Variants in LPP observed in about 807,000 individuals in gnomAD.
The protein encoded by LPP is lipoma-preferred partner.
A neutral mutation model predicts 60.4 loss-of-function variants in LPP; 38 were observed. That is an observed-to-expected ratio of 0.63 (90% CI 0.49 to 0.83). LPP has a LOEUF of 0.83. Among genes scored for constraint, LPP ranks in the 40% least tolerant of loss-of-function variants. LPP has a pLI of 0.00. For synonymous variants in LPP, 328 were observed against 290.8 expected (o/e 1.13, Z -1.30); for missense variants, 902 against 783.6 (o/e 1.15, Z -1.80).
chr3:188,334,819 T>TC lies in LPP; in HGVS notation c.-66-6841dup, dbSNP rs558506682. ...ACATTCCCACCAACAGTGTATGAAT[T>TC]CCCTTTTCTTTGCATCTTTGCCAGC... On this transcript the variant is annotated intron_variant, in intron 2 of 11. Coordinates refer to ENST00000617246, the MANE Select transcript of LPP (RefSeq NM_001375462.1). Among the ~76,000 whole-genome samples, 21 of 152,330 alleles carry TC rather than the reference T, an allele frequency of 1.4e-4. No individual in the cohort carries two copies. The South Asian group carries it at 4.4e-3, about 32-fold the overall frequency.
chr3:188,231,255 G>A (rs1719845992), intron 2 of LPP, among the ~76,000 whole-genome samples: 1 of 152,130 alleles, frequency 6.6e-6, no homozygotes, highest in Admixed American at 6.5e-5. Flanking sequence ...GGAGTTACAC[G>A]GAACCATCTT....
chr3:188,243,667 A>T (rs1286550210), intron 2 of LPP, among the ~76,000 whole-genome samples: 3 of 152,108 alleles, frequency 2.0e-5, no homozygotes, highest in South Asian at 4.1e-4. Flanking sequence ...GCCATAGACC[A>T]CCACACTGGC....
At chr3:188,698,325 G>A (rs1438164740) in intron 7 of LPP, among the ~76,000 whole-genome samples, 2 of 151,996 alleles carry the variant, frequency 1.3e-5, no homozygotes, top group African/African-American at 4.8e-5. Flanking sequence ...GCCATCCAAT[G>A]GAAATAATGT....
chr3:188,763,982 C>A (rs546430055), intron 9 of LPP, among the ~76,000 whole-genome samples: 2 of 152,014 alleles, frequency 1.3e-5, no homozygotes, highest in South Asian at 4.2e-4. Context: ...GCAAACTATC[C>A]CCTATGGCAG....
intron 5 of LPP, among the ~76,000 whole-genome samples, chr3:188,523,589 C>T (rs529662048): frequency 3.7e-4 from 56 of 152,284 alleles, no homozygotes; most frequent in African/African-American, 1.3e-3. Flanking sequence ...TGTCATGGCA[C>T]GCTACTTGTT....
chr3:188,160,771 A>T (rs958919926), intron 1 of LPP, among the ~76,000 whole-genome samples: 3 of 152,234 alleles, frequency 2.0e-5, no homozygotes, highest in African/African-American at 7.2e-5. Flanking sequence ...GAAAACTGAG[A>T]TAGGCTCTGC....
chr3:188,570,118 C>T (rs1225388930), intron 6 of LPP, among the ~76,000 whole-genome samples: 1 of 151,472 alleles, frequency 6.6e-6, no homozygotes, highest in Admixed American at 6.6e-5. Flanking sequence ...CTTCTGCATG[C>T]AATTAGTGTA....
At chr3:188,439,449 G>C (rs895666920) in intron 4 of LPP, among the ~76,000 whole-genome samples, 1 of 152,140 alleles carries the variant, frequency 6.6e-6, no homozygotes, top group East Asian at 1.9e-4. Flanking sequence ...TTCATGTTTT[G>C]CTCCTTGGTA....
chr3:188,694,883 T>G lies in LPP; in HGVS notation c.1114-13384T>G, dbSNP rs553140414. 3.3e-5 allele frequency among the ~76,000 whole-genome samples: 5 copies of G among 152,342 alleles called. No individual in the cohort carries two copies. The South Asian group carries it at 1.0e-3, about 32-fold the overall frequency. On this transcript the variant is annotated intron_variant, in intron 7 of 11. Coordinates refer to ENST00000617246, the MANE Select transcript of LPP (RefSeq NM_001375462.1). ...AAAGGTTCTTTTGATAGTTCAAGAC[T>G]TTGTAATGTATGTGAAATTCCACTA...
rs1275282629 is a variant in LPP, at chr3:188,879,762, A to G, written c.*5283A>G. The G allele has an allele frequency of 1.1e-5, 2 of 181,722 alleles. No homozygotes were observed. The highest frequency in any genetic ancestry group is 2.3e-5 in the Non-Finnish European group (2 of 85,144). The allele number at this position is 181,722 out of a possible 1,614,324, so 11.3% of individuals were successfully genotyped here. On this transcript the variant is annotated 3_prime_UTR_variant, in exon 12 of 12. Transcript: ENST00000617246. Reference sequence around the variant, plus strand: ...TAACTATTGTATTTTCAGAATTTTAACACAGATTAACACTTAGCCTGTAAG... The same window carrying G: ...TAACTATTGTATTTTCAGAATTTTAGCACAGATTAACACTTAGCCTGTAAG...
At chr3:188,745,636 C>G (rs1725898482) in intron 8 of LPP, among the ~76,000 whole-genome samples, 2 of 152,176 alleles carry the variant, frequency 1.3e-5, no homozygotes, top group African/African-American at 4.8e-5. Context: ...ATACATCTTT[C>G]AAACTTTAAG....
rs1332381122 is a variant in LPP at position 188,524,795 on chromosome 3, C to T, written c.429+8C>T. The T allele has an allele frequency of 6.2e-7, 1 of 1,612,188 alleles. No individual in the cohort carries two copies. The highest frequency in any genetic ancestry group is 1.1e-5 in the South Asian group (1 of 90,864). On this transcript the variant is annotated splice_region_variant and intron_variant, in intron 6 of 11. Transcript: ENST00000617246. ...AAGCCTCGGCCTCCACAGGTTAGTG[C>T]AGCCCACAATCATCTCCACACAGCC...
intron 2 of LPP, among the ~76,000 whole-genome samples, chr3:188,286,472 T>A (rs947024806): frequency 5.3e-5 from 8 of 152,340 alleles, no homozygotes; most frequent in African/African-American, 1.9e-4. Context: ...TCTCGGATCC[T>A]CTATTTCCTA....
At chr3:188,480,116 T>G (rs939318481) in intron 4 of LPP, among the ~76,000 whole-genome samples, 3 of 152,164 alleles carry the variant, frequency 2.0e-5, no homozygotes, top group African/African-American at 7.2e-5. Flanking sequence ...TTTTTACCCC[T>G]AGATTAAAAG....
At chr3:188,304,501 T>C (rs968014395) in intron 2 of LPP, among the ~76,000 whole-genome samples, 24 of 152,186 alleles carry the variant, frequency 1.6e-4, no homozygotes, top group African/African-American at 5.5e-4. Flanking sequence ...ATTTACATAC[T>C]TTCTCTCCCC....
rs375607317 is a variant in LPP, at chr3:188,267,863, C to G, written c.-67+42336C>G. Among the ~76,000 whole-genome samples, 161 of 152,206 alleles carry G rather than the reference C, an allele frequency of 1.1e-3. 2 individuals are homozygous for G. Among genetic ancestry groups the G allele is most frequent in the Admixed American group, 7.1e-3 (109 of 15,274 alleles). ...ACCCCCCAGACCTCCATCCCTAAAC[C>G]CGGGCTTGCGTGTCTGGCAACCCAG... On this transcript the variant is annotated intron_variant, in intron 2 of 11. Coordinates refer to ENST00000617246, the MANE Select transcript of LPP (RefSeq NM_001375462.1).
chr3:188,660,218 G>A (rs1436893989), intron 7 of LPP, among the ~76,000 whole-genome samples: 1 of 152,096 alleles, frequency 6.6e-6, no homozygotes, highest in Non-Finnish European at 1.5e-5. Flanking sequence ...ACCAATCACA[G>A]GATTGTGACT....
At chr3:188,266,991 T>A (rs529984910) in intron 2 of LPP, among the ~76,000 whole-genome samples, 1 of 152,072 alleles carries the variant, frequency 6.6e-6, no homozygotes, top group African/African-American at 2.4e-5. Flanking sequence ...CTCAGAAGAG[T>A]CAGAAGAAGA....
intron 3 of LPP, among the ~76,000 whole-genome samples, chr3:188,400,026 C>A: frequency 6.6e-6 from 1 of 151,900 alleles, no homozygotes; most frequent in Admixed American, 6.6e-5. Flanking sequence ...CATCACATAG[C>A]CTTTTGTAGT....
Sources: gnomAD v4.1 joint callset for allele counts (sites outside exome capture counted in the v4.1 genomes callset) on GRCh38, gnomAD v4.1.1 for gene constraint, MANE v1.5 for transcripts, NCBI Gene and HGNC (gene_info 2026-07-23, HGNC 2026-07-21) for gene names.